The following CEP192 variants were observed in gnomAD, a reference collection of about 807,000 sequenced individuals.
CEP192 encodes centrosomal protein 192, also known as centrosomal protein of 192 kDa.
In CEP192, 151 loss-of-function variants were observed where a neutral mutation model predicts 271.8. That is an observed-to-expected ratio of 0.56 (90% CI 0.49 to 0.64). CEP192 has a LOEUF of 0.64. CEP192 is among the 30% of genes least tolerant of loss of function. The pLI, the probability that CEP192 is intolerant of heterozygous loss-of-function variation, is 0.00. For missense variants in CEP192, 2,910 were observed against 3,020.5 expected (o/e 0.96, Z 0.86); for synonymous variants, 995 against 1,076.5 (o/e 0.92, Z 1.48).
chr18:13,027,449 G>A (rs1421957108), intron 9 of CEP192, among the ~76,000 whole-genome samples: 1 of 152,108 alleles, frequency 6.6e-6, no homozygotes, highest in East Asian at 1.9e-4. Flanking sequence ...CACTGAGCCT[G>A]CAGCAATTCA....
At position 13,017,243 on chromosome 18, in the gene CEP192, A is replaced by G; in HGVS notation, c.696A>G (p.Glu232=). ...ATGATCATTTGGAGGCTTATTTTGAACAACTGGCAATTCCAGGAATGATAT... is the reference window on the plus strand; with the variant it reads ...ATGATCATTTGGAGGCTTATTTTGAGCAACTGGCAATTCCAGGAATGATAT... ...FYDDHLEAYF[E]QLAIPGMIYE... The change falls in exon 7 of 45, where the codon GAA becomes GAG. Residue 232 remains glutamate, a synonymous_variant. Coordinates refer to ENST00000506447, the MANE Select transcript of CEP192 (RefSeq NM_032142.4). 1 of 1,549,982 alleles carries G rather than the reference A, an allele frequency of 6.5e-7. No homozygotes were observed.
chr18:13,102,231 G>A (rs926717575), intron 38 of CEP192, among the ~76,000 whole-genome samples: 1 of 151,736 alleles, frequency 6.6e-6, no homozygotes, highest in Non-Finnish European at 1.5e-5. Flanking sequence ...TGCCTTACAC[G>A]TGAAAAATAG....
chr18:13,079,041 G>A (rs1451393314), intron 30 of CEP192, among the ~76,000 whole-genome samples: 1 of 152,130 alleles, frequency 6.6e-6, no homozygotes, highest in East Asian at 1.9e-4. Flanking sequence ...TATCACTGAC[G>A]GACATTTGGG....
chr18:13,036,749 G>A (rs569331698), intron 11 of CEP192, among the ~76,000 whole-genome samples: 25 of 152,230 alleles, frequency 1.6e-4, no homozygotes, highest in Non-Finnish European at 3.2e-4. Flanking sequence ...TGAGGTGCTC[G>A]GCAGCAGCCT....
intron 9 of CEP192, among the ~76,000 whole-genome samples, chr18:13,023,165 T>G (rs1347182577): frequency 6.6e-6 from 1 of 152,196 alleles, no homozygotes. Flanking sequence ...TTTTATTTCC[T>G]TTTCTTGTCT....
chr18:13,053,583 G>A (rs2036919493), intron 18 of CEP192, among the ~76,000 whole-genome samples: 1 of 152,196 alleles, frequency 6.6e-6, no homozygotes, highest in Non-Finnish European at 1.5e-5. Context: ...AGGGAGAAGT[G>A]TATGAGGCTA....
intron 30 of CEP192, among the ~76,000 whole-genome samples, chr18:13,081,187 A>G (rs933432478): frequency 1.3e-5 from 2 of 151,888 alleles, no homozygotes; most frequent in African/African-American, 2.4e-5. Flanking sequence ...CTTTTTTTCT[A>G]TTGATTGGAA....
intron 1 of CEP192, among the ~76,000 whole-genome samples, chr18:12,998,665 A>T (rs1217260000): frequency 6.6e-6 from 1 of 152,080 alleles, no homozygotes; most frequent in African/African-American, 2.4e-5. Context: ...CGCATTGCCA[A>T]TATCCTCTCA....
intron 44 of CEP192, among the ~76,000 whole-genome samples, chr18:13,121,255 T>G (rs1255718038): frequency 6.6e-6 from 1 of 152,248 alleles, no homozygotes; most frequent in Non-Finnish European, 1.5e-5. Context: ...TAGATCACTG[T>G]GTGCTCTATG....
chr18:13,100,047 C>A (rs1185656683), intron 37 of CEP192, among the ~76,000 whole-genome samples: 1 of 152,102 alleles, frequency 6.6e-6, no homozygotes, highest in Admixed American at 6.6e-5. Context: ...CAGAACAATT[C>A]TCTTGGGGAA....
chr18:13,094,828 T>G (rs2039313585), intron 34 of CEP192, among the ~76,000 whole-genome samples: 1 of 152,178 alleles, frequency 6.6e-6, no homozygotes. Context: ...AACACCACAG[T>G]GCCTTTCCAC....
At chr18:13,114,331 T>G (rs2040339049) in intron 42 of CEP192, 80 bp downstream of exon 42, 2 of 1,463,178 alleles carry the variant, frequency 1.4e-6, no homozygotes, top group African/African-American at 2.8e-5. Flanking sequence ...CTCGATGACT[T>G]TACCTGAGTT....
chr18:13,057,896 A>C (rs1036380531), intron 20 of CEP192, 163 bp downstream of exon 20: 2 of 485,158 alleles, frequency 4.1e-6, no homozygotes, highest in African/African-American at 4.0e-5. Context: ...TAGTGCTTGT[A>C]GAGTGTAAAG....
Position 13,056,349 on chromosome 18 carries a change from A to T in CEP192, c.3759A>T (p.Gln1253His). Reference sequence around the variant, plus strand: ...CTGCTGTGCACGCACTCTTGACACAACCCTCTCTCAGCGCTGCTCCTTTTG... The same window carrying T: ...CTGCTGTGCACGCACTCTTGACACATCCCTCTCTCAGCGCTGCTCCTTTTG... ...MPAAVHALLT[Q>H]PSLSAAPFAQ... Residue 1253 changes from glutamine (Q) to histidine (H), a missense_variant, in exon 19 of 45, where the codon CAA becomes CAT. Transcript: ENST00000506447. 6.2e-7 allele frequency: 1 copy of T among 1,614,132 alleles called. No homozygotes were observed. Among genetic ancestry groups the T allele is most frequent in the Non-Finnish European group, 8.5e-7 (1 of 1,180,018 alleles).
intron 1 of CEP192, among the ~76,000 whole-genome samples, chr18:12,992,718 C>G (rs1244308583): frequency 6.6e-6 from 1 of 152,178 alleles, no homozygotes; most frequent in Non-Finnish European, 1.5e-5. Context: ...GAGGAATCTT[C>G]CCGTGGGTTT....
At chr18:13,026,421 G>A (rs758755347) in intron 9 of CEP192, among the ~76,000 whole-genome samples, 4 of 152,002 alleles carry the variant, frequency 2.6e-5, no homozygotes, top group Non-Finnish European at 4.4e-5. Context: ...TGAGCTTCCC[G>A]GTATGTGGCT....
chr18:13,088,371 C>G (rs1017589151), intron 32 of CEP192, among the ~76,000 whole-genome samples: 3 of 152,056 alleles, frequency 2.0e-5, no homozygotes, highest in Admixed American at 2.0e-4. Flanking sequence ...GATCACAATC[C>G]CAGGAGTTCA....
At chr18:12,999,351 C>T in intron 1 of CEP192, 70 bp from the exon 2 acceptor site, 1 of 1,192,304 alleles carries the variant, frequency 8.4e-7, no homozygotes, top group Non-Finnish European at 1.1e-6. Flanking sequence ...TTTTCTAAGA[C>T]AATGCTTTTA....
intron 36 of CEP192, among the ~76,000 whole-genome samples, chr18:13,098,012 A>G (rs562081121): frequency 1.1e-3 from 174 of 152,282 alleles, no homozygotes; most frequent in African/African-American, 3.8e-3. Flanking sequence ...TTCTTAGTAC[A>G]GAACAAAATG....
Sources: gnomAD v4.1 joint callset for allele counts (sites outside exome capture counted in the v4.1 genomes callset) on GRCh38, gnomAD v4.1.1 for gene constraint, MANE v1.5 for transcripts, NCBI Gene and HGNC (gene_info 2026-07-23, HGNC 2026-07-21) for gene names.